C12orf42: variants seen among roughly 807,000 people sequenced by gnomAD.
C12orf42 encodes the protein chromosome 12 open reading frame 42.
A neutral mutation model predicts 21.6 loss-of-function variants in C12orf42; 25 were observed. The ratio of observed to expected loss-of-function variants is 1.16; its 90% CI spans 0.84 to 1.62. The LOEUF is 1.62. Among genes scored for constraint, C12orf42 ranks in the 40% most tolerant of loss-of-function variants. The probability of loss-of-function intolerance (pLI) is 0.00; values close to 1 mark genes in which losing one functional copy is unlikely to be tolerated. For synonymous variants in C12orf42, 174 were observed against 175.0 expected (o/e 0.99, Z 0.05); for missense variants, 483 against 459.3 (o/e 1.05, Z -0.47).
intron 2 of C12orf42, among the ~76,000 whole-genome samples, chr12:103,435,887 G>A (rs1317790907): frequency 6.6e-6 from 1 of 151,260 alleles, no homozygotes; most frequent in Non-Finnish European, 1.5e-5. Context: ...TTCAGATTCA[G>A]GAAATACAGA....
At chr12:103,478,673 C>T (rs1565892932) in intron 1 of C12orf42, among the ~76,000 whole-genome samples, 1 of 151,036 alleles carries the variant, frequency 6.6e-6, no homozygotes, top group Non-Finnish European at 1.5e-5. Context: ...GCAATACTCG[C>T]ACCTTGGCCT....
chr12:103,486,373 G>T (rs1233996369), intron 1 of C12orf42, among the ~76,000 whole-genome samples: 1 of 152,112 alleles, frequency 6.6e-6, no homozygotes, highest in African/African-American at 2.4e-5. Flanking sequence ...GATTCGGTTT[G>T]CCAGTATTTT....
chr12:103,060,873 G>GA, the C12orf42 span, among the ~76,000 whole-genome samples: 1 of 152,020 alleles, frequency 6.6e-6, no homozygotes, highest in Admixed American at 6.6e-5. Flanking sequence ...AAAAACCCCA[G>GA]AAAAAAACCT....
intron 2 of C12orf42, among the ~76,000 whole-genome samples, chr12:103,427,362 TA>T (rs34615151): frequency 7.3e-4 from 98 of 134,158 alleles, no homozygotes; most frequent in Non-Finnish European, 6.7e-4. Flanking sequence ...CAAAAAAGAT[TA>T]AAAAAAAAAA....
chr12:103,231,801 G>C, the C12orf42 span, among the ~76,000 whole-genome samples: 35 of 152,324 alleles, frequency 2.3e-4, no homozygotes, highest in Non-Finnish European at 4.4e-4. Context: ...GTGGACATAA[G>C]TTTTCAATTC....
chr12:103,305,451 TTGAGACTTGATCATGGCTACAGATC>T (rs1281746634), intron 5 of C12orf42, among the ~76,000 whole-genome samples: 2 of 152,184 alleles, frequency 1.3e-5, no homozygotes, highest in African/African-American at 4.8e-5. Flanking sequence ...AAAAACATTT[TTGAGACTTGATCATGGCTACAGATC>T]TGAGATGGGA....
At chr12:103,113,395 GC>G in the C12orf42 span, among the ~76,000 whole-genome samples, 1 of 152,192 alleles carries the variant, frequency 6.6e-6, no homozygotes, top group African/African-American at 2.4e-5. Context: ...GGGGGCTGAG[GC>G]TTCCTCAGCA....
chr12:103,236,722 AAAAGT>A (rs536685450), downstream of C12orf42, among the ~76,000 whole-genome samples: 85 of 152,354 alleles, frequency 5.6e-4, no homozygotes, highest in African/African-American at 2.0e-3. Flanking sequence ...GCCTTAAAAA[AAAAGT>A]AAAGTGGTCC....
At chr12:103,055,257 G>A in the C12orf42 span, among the ~76,000 whole-genome samples, 1 of 151,792 alleles carries the variant, frequency 6.6e-6, no homozygotes, top group African/African-American at 2.4e-5. Context: ...TAATTATAGG[G>A]CTATACAAAT....
At chr12:103,334,538 A>G (rs529061727) in intron 4 of C12orf42, among the ~76,000 whole-genome samples, 3 of 152,272 alleles carry the variant, frequency 2.0e-5, no homozygotes, top group Admixed American at 1.3e-4. Context: ...AGGCAGGGAA[A>G]TCCTCTGAGT....
At chr12:103,124,206 G>C in the C12orf42 span, among the ~76,000 whole-genome samples, 22 of 124,788 alleles carry the variant, frequency 1.8e-4, no homozygotes, top group Admixed American at 8.9e-4. Context: ...GGTTTCAGTG[G>C]CCCTGCTCCC....
intron 2 of C12orf42, among the ~76,000 whole-genome samples, chr12:103,404,160 T>G (rs1261913046): frequency 6.6e-6 from 1 of 152,156 alleles, no homozygotes; most frequent in African/African-American, 2.4e-5. Flanking sequence ...ATAATTTATG[T>G]ACAAATAGCT....
At chr12:103,184,881 T>C in the C12orf42 span, among the ~76,000 whole-genome samples, 2 of 152,046 alleles carry the variant, frequency 1.3e-5, no homozygotes, top group Non-Finnish European at 2.9e-5. Context: ...GATTAGGATG[T>C]AGACAGGTGA....
At chr12:103,472,157 C>T (rs1463020961) in intron 2 of C12orf42, 5 of 149,274 alleles carry the variant, frequency 3.3e-5, no homozygotes, top group Non-Finnish European at 7.4e-5. Context: ...CGGGTTCACG[C>T]CATTCTCCTG....
chr12:103,146,982 GGAA>G, the C12orf42 span, among the ~76,000 whole-genome samples: 1 of 152,218 alleles, frequency 6.6e-6, no homozygotes, highest in South Asian at 2.1e-4. Context: ...CATGGCCCAT[GGAA>G]GAACTCAGTA....
At chr12:103,308,407 C>T (rs999497830) in intron 4 of C12orf42, among the ~76,000 whole-genome samples, 11 of 152,180 alleles carry the variant, frequency 7.2e-5, no homozygotes, top group African/African-American at 2.7e-4. Flanking sequence ...ATTTTATGCA[C>T]TCAATATGTT....
the C12orf42 span, among the ~76,000 whole-genome samples, chr12:103,219,133 C>G: frequency 6.6e-6 from 1 of 152,192 alleles, no homozygotes; most frequent in Admixed American, 6.5e-5. Flanking sequence ...GGATCCCACT[C>G]CCATGGAGGT....
At chr12:103,227,639 C>A in the C12orf42 span, among the ~76,000 whole-genome samples, 1 of 152,006 alleles carries the variant, frequency 6.6e-6, no homozygotes, top group Non-Finnish European at 1.5e-5. Context: ...GTACTTGCCC[C>A]TTCCCCAGAA....
intron 4 of C12orf42, among the ~76,000 whole-genome samples, chr12:103,294,290 T>C (rs2136385736): frequency 6.9e-6 from 1 of 145,768 alleles, no homozygotes; most frequent in African/African-American, 2.5e-5. Flanking sequence ...TTGATTCCCA[T>C]AGAGGAGGGA....
Sources: gnomAD v4.1 joint callset for allele counts (sites outside exome capture counted in the v4.1 genomes callset) on GRCh38, gnomAD v4.1.1 for gene constraint, MANE v1.5 for transcripts, NCBI Gene and HGNC (gene_info 2026-07-23, HGNC 2026-07-21) for gene names.